Variants in LRP1B observed in about 807,000 individuals in gnomAD.
The protein encoded by LRP1B is LDL receptor related protein 1B, also known as low-density lipoprotein receptor-related protein 1B.
LRP1B carries 217 observed loss-of-function variants against 556.6 expected under a neutral mutation model. The ratio of observed to expected loss-of-function variants is 0.39; its 90% CI spans 0.35 to 0.44. The LOEUF is 0.44. Among genes scored for constraint, LRP1B ranks in the 20% least tolerant of loss-of-function variants. The pLI is 1.00. For synonymous variants in LRP1B, 2,047 were observed against 1,865.8 expected, an observed-to-expected ratio of 1.10 and a Z score of -2.50; for missense variants, 5,053 against 5,620.8, an observed-to-expected ratio of 0.90 and a Z score of 3.23.
intron 1 of LRP1B, among the ~76,000 whole-genome samples, chr2:141,982,946 A>C (rs1012680878): frequency 6.6e-6 from 1 of 152,228 alleles, no homozygotes; most frequent in African/African-American, 2.4e-5. Flanking sequence ...TTATATGTTC[A>C]GAGAGCTGAT....
At chr2:141,833,178 A>T (rs1246950464) in intron 1 of LRP1B, among the ~76,000 whole-genome samples, 2 of 151,796 alleles carry the variant, frequency 1.3e-5, no homozygotes, top group African/African-American at 4.8e-5. Context: ...AATAAATTTT[A>T]AAATAATTTA....
intron 2 of LRP1B, among the ~76,000 whole-genome samples, chr2:141,746,049 T>C (rs1003539278): frequency 6.6e-6 from 1 of 151,930 alleles, no homozygotes; most frequent in Non-Finnish European, 1.5e-5. Context: ...CTCTTCTCCC[T>C]CCTCTCCCCA....
rs913374150 is a variant in LRP1B at position 141,310,844 on chromosome 2, A to G, written c.344-56203T>C. 2.6e-5 allele frequency among the ~76,000 whole-genome samples: 4 copies of G among 152,218 alleles called. No homozygotes were observed. In the East Asian group the frequency reaches 7.7e-4, roughly 29 times the overall value. On this transcript the variant is annotated intron_variant, in intron 3 of 90. Coordinates refer to ENST00000389484, the MANE Select transcript of LRP1B (RefSeq NM_018557.3). ...AGTTTGAAATTTGGAAGCAAAAGAA[A>G]GTAAAATCTTATTACTACTTCCAGC...
At chr2:141,955,646 A>T (rs1321238807) in intron 1 of LRP1B, among the ~76,000 whole-genome samples, 4 of 152,090 alleles carry the variant, frequency 2.6e-5, no homozygotes, top group Non-Finnish European at 5.9e-5. Context: ...AGGCAAGAGA[A>T]TGAAGCTAGG....
At chr2:140,473,723 C>T (rs1687858816) in intron 60 of LRP1B, among the ~76,000 whole-genome samples, 1 of 151,688 alleles carries the variant, frequency 6.6e-6, no homozygotes, top group South Asian at 2.1e-4. Flanking sequence ...TTTTGTTGTA[C>T]AATGAAATTT....
intron 2 of LRP1B, among the ~76,000 whole-genome samples, chr2:141,585,347 C>G (rs140585136): frequency 6.5e-4 from 99 of 151,652 alleles, no homozygotes; most frequent in African/African-American, 2.3e-3. Flanking sequence ...TAAAAGAAAA[C>G]CCTTATTCAA....
At chr2:140,725,063 T>C (rs1168246178) in intron 35 of LRP1B, among the ~76,000 whole-genome samples, 2 of 152,198 alleles carry the variant, frequency 1.3e-5, no homozygotes, top group African/African-American at 4.8e-5. Flanking sequence ...CTCTAATTTA[T>C]CTAACATAAT....
At chr2:141,642,994 T>G (rs2105367183) in intron 2 of LRP1B, among the ~76,000 whole-genome samples, 1 of 152,142 alleles carries the variant, frequency 6.6e-6, no homozygotes, top group South Asian at 2.1e-4. Context: ...AAAGACAAAC[T>G]TAAGGGTCAT....
chr2:141,028,658 A>G (rs1276576440), intron 11 of LRP1B, among the ~76,000 whole-genome samples: 1 of 152,144 alleles, frequency 6.6e-6, no homozygotes, highest in African/African-American at 2.4e-5. Context: ...TGTTTCTTAT[A>G]TTAGAACAAA....
chr2:141,150,749 C>A (rs867221280), intron 7 of LRP1B, among the ~76,000 whole-genome samples: 3 of 152,076 alleles, frequency 2.0e-5, no homozygotes, highest in Non-Finnish European at 2.9e-5. Flanking sequence ...TCTTCCTGCT[C>A]CTTAGCTCAA....
At chr2:141,276,742 C>T (rs1180345604) in intron 3 of LRP1B, among the ~76,000 whole-genome samples, 3 of 150,348 alleles carry the variant, frequency 2.0e-5, no homozygotes, top group East Asian at 2.0e-4. Flanking sequence ...CTGCAAGCTC[C>T]GCCTCCCCGG....
At chr2:141,159,971 A>G (rs1679927813) in intron 7 of LRP1B, among the ~76,000 whole-genome samples, 2 of 152,034 alleles carry the variant, frequency 1.3e-5, no homozygotes, top group South Asian at 4.2e-4. Context: ...AGAGGGTAAC[A>G]ACACACACCA....
intron 27 of LRP1B, among the ~76,000 whole-genome samples, chr2:140,853,158 G>T (rs945087572): frequency 1.3e-5 from 2 of 151,908 alleles, no homozygotes; most frequent in African/African-American, 4.8e-5. Context: ...AAGCTAGAAA[G>T]GATTTTCTGA....
In LRP1B at chr2:140,335,696, T is replaced by C. The variant is rs778721869; in HGVS notation, c.12035A>G (p.Gln4012Arg). 5 of 1,612,606 alleles carry C rather than the reference T, an allele frequency of 3.1e-6. No individual in the cohort carries two copies. The highest frequency in any genetic ancestry group is 3.3e-5 in the Admixed American group (2 of 59,884). Residue 4012 changes from glutamine (Q) to arginine (R), a missense_variant, in exon 78 of 91, where the codon CAG (glutamine) becomes CGG (arginine). Around this residue, in one of 5 missense-constraint regions of LRP1B, gnomAD observed 599 missense variants for 648.4 expected, o/e 0.92. Transcript: ENST00000389484. ...TCTGGTGCAGTTGGGGCCATTCAGC[T>C]GCCCTACGTTGATAGAGTACCTCAG... ...TSLRYSINVG[Q>R]LNGPNCTRLL... is the part of the protein sequence containing the mutation.
chr2:141,994,396 G>A (rs1196069353), intron 1 of LRP1B, among the ~76,000 whole-genome samples: 1 of 152,090 alleles, frequency 6.6e-6, no homozygotes, highest in Admixed American at 6.6e-5. Context: ...GGAAATTCAC[G>A]AAAGTCGATC....
At chr2:140,325,629 C>T in intron 80 of LRP1B, 133 bp downstream of exon 80, 1 of 574,154 alleles carries the variant, frequency 1.7e-6, no homozygotes, top group Non-Finnish European at 2.9e-6. Context: ...TACTAGTAAG[C>T]CTTATAAGTT....
At chr2:141,096,352 C>G (rs1453233165) in intron 7 of LRP1B, among the ~76,000 whole-genome samples, 1 of 152,054 alleles carries the variant, frequency 6.6e-6, no homozygotes, top group Non-Finnish European at 1.5e-5. Context: ...CTTCGGGAGG[C>G]TGAAGCAGGA....
intron 2 of LRP1B, among the ~76,000 whole-genome samples, chr2:141,730,407 C>T (rs1487849874): frequency 1.3e-5 from 2 of 152,090 alleles, no homozygotes; most frequent in Non-Finnish European, 2.9e-5. Flanking sequence ...CACATCTGAA[C>T]ACCAGGGAGA....
At chr2:141,571,055 C>A (rs1227305153) in intron 2 of LRP1B, among the ~76,000 whole-genome samples, 1 of 151,256 alleles carries the variant, frequency 6.6e-6, no homozygotes, top group African/African-American at 2.4e-5. Flanking sequence ...CACCAAGGGA[C>A]AAAGTTCCCT....
Sources: allele counts gnomAD v4.1 joint callset (sites outside exome capture counted in the v4.1 genomes callset), GRCh38; gene constraint gnomAD v4.1.1; regional missense constraint gnomAD v4.1.1; transcripts MANE v1.5; gene names NCBI Gene and HGNC (gene_info 2026-07-23, HGNC 2026-07-21).